BCAS3: variants seen among roughly 807,000 people sequenced by gnomAD.
BCAS3 encodes the protein BCAS3 microtubule associated cell migration factor.
In BCAS3, 53 loss-of-function variants were observed where a neutral mutation model predicts 116.1. The observed-to-expected ratio is 0.46, with a 90% CI of 0.37 to 0.57. BCAS3 has a LOEUF of 0.57. Among genes scored for constraint, BCAS3 ranks in the 20% least tolerant of loss-of-function variants. The pLI is 0.00. For synonymous variants in BCAS3, 391 were observed against 408.2 expected (o/e 0.96, Z 0.51); for missense variants, 917 against 1,165.4 (o/e 0.79, Z 3.10).
At chr17:60,851,472 G>A (rs2053153746) in intron 7 of BCAS3, 1 of 524,644 alleles carries the variant, frequency 1.9e-6, no homozygotes, top group Non-Finnish European at 3.8e-6. Flanking sequence ...ACTTGCTCCT[G>A]CAAAAATGGA....
rs545805419 is a variant in BCAS3, at chr17:61,298,883, C to T, written c.2426-69444C>T. 2.6e-3 allele frequency among the ~76,000 whole-genome samples: 387 copies of T among 151,706 alleles called. 1 individual carries two copies. In the Middle Eastern group the frequency reaches 0.027, roughly 11 times the overall value. Reference sequence around the variant, plus strand: ...TGTCGCCTAGGCTGGAGTGCAGTGGCGCAATCTTGGCTCACTGCAATCTCT... The same window carrying T: ...TGTCGCCTAGGCTGGAGTGCAGTGGTGCAATCTTGGCTCACTGCAATCTCT... On this transcript the variant is annotated intron_variant, in intron 22 of 23. Transcript: ENST00000407086.
rs185205970 is a variant in BCAS3, at chr17:61,168,207, T to C, written c.2425+83643T>C. On this transcript the variant is annotated intron_variant, in intron 22 of 23. Transcript: ENST00000407086. ...TTGATTTCTCTAACTCTAGACTTTT[T>C]TTCTACCCTTCCACAATTTCCCCTC... 1.3e-3 allele frequency among the ~76,000 whole-genome samples: 198 copies of C among 152,252 alleles called. 1 individual carries two copies. Among genetic ancestry groups the C allele is most frequent in the Non-Finnish European group, 1.9e-3 (126 of 68,012 alleles).
chr17:60,954,273 G>A (rs2061003271), intron 14 of BCAS3, among the ~76,000 whole-genome samples: 1 of 152,166 alleles, frequency 6.6e-6, no homozygotes, highest in African/African-American at 2.4e-5. Context: ...CAGTCCTGTA[G>A]TATAGTTTGA....
At chr17:61,042,891 CAAAAAAAA>C (rs35629825) in intron 19 of BCAS3, among the ~76,000 whole-genome samples, 3 of 58,318 alleles carry the variant, frequency 5.1e-5, no homozygotes, top group African/African-American at 1.1e-4. Context: ...CTCCATCTCA[CAAAAAAAA>C]AAAAAAAAAA....
At position 61,205,458 on chromosome 17, in the gene BCAS3, A is replaced by G. The variant is rs1053651056; in HGVS notation, c.2425+120894A>G. The stretch of plus-strand genomic sequence containing the variant: ...AGAAAGATAGCTGTTGAGAGAGCTA[A>G]TATCAAGGAAATGGCAAACAAACAC... On this transcript the variant is annotated intron_variant, in intron 22 of 23. Transcript: ENST00000407086. The surrounding 1 kb of genome is among the most constrained non-coding windows in gnomAD (Gnocchi z 5.2). 3.9e-5 allele frequency among the ~76,000 whole-genome samples: 6 copies of G among 152,224 alleles called. No individual in the cohort carries two copies. Among genetic ancestry groups the G allele is most frequent in the African/African-American group, 1.4e-4 (6 of 41,456 alleles).
At chr17:61,334,664 CAAAAA>C (rs35400660) in intron 22 of BCAS3, among the ~76,000 whole-genome samples, 5 of 50,890 alleles carry the variant, frequency 9.8e-5, no homozygotes, top group African/African-American at 2.7e-4. Flanking sequence ...AACTCCATCT[CAAAAA>C]AAAAAAAAAA....
chr17:61,363,290 G>A lies in BCAS3; in HGVS notation c.2426-5037G>A, dbSNP rs1166698160. Among the ~76,000 whole-genome samples, 7 of 152,196 alleles carry A rather than the reference G, an allele frequency of 4.6e-5. No homozygotes were observed. The South Asian group carries it at 1.0e-3, about 22-fold the overall frequency. On this transcript the variant is annotated intron_variant, in intron 22 of 23. Transcript: ENST00000407086. This position sits in a 1 kb window ranked among gnomAD's most constrained non-coding sequence, Gnocchi z 4.9. ...CATCAACTTCACCTGGAAAGATAGA[G>A]CACCTTTTATGCCGTTAGAGTTTGA... is the stretch of plus-strand genomic sequence containing the variant.
intron 5 of BCAS3, among the ~76,000 whole-genome samples, chr17:60,719,168 G>T (rs1448834347): frequency 6.6e-6 from 1 of 152,212 alleles, no homozygotes; most frequent in East Asian, 1.9e-4. Flanking sequence ...TATGTGAAGA[G>T]CAGATTTGGG....
At position 61,380,354 on chromosome 17, in the gene BCAS3, C is replaced by A; in HGVS notation, c.2594-11623C>A. On this transcript the variant is annotated intron_variant, in intron 23 of 23. Coordinates refer to ENST00000407086, the MANE Select transcript of BCAS3 (RefSeq NM_017679.5). This position sits in a 1 kb window ranked among gnomAD's most constrained non-coding sequence, Gnocchi z 4.2. ...AGAAATCTGTAAAACCCTAGATGTG[C>A]TGTGCCTGGGAACAGACCATGAACA... 1.5e-6 allele frequency: 1 copy of A among 669,606 alleles called. No homozygotes were observed. Among genetic ancestry groups the A allele is most frequent in the Non-Finnish European group, 2.6e-6 (1 of 378,776 alleles). The allele number at this position is 669,606 out of a possible 1,614,324, so 41.5% of individuals were successfully genotyped here.
chr17:60,850,587 G>A lies in BCAS3; in HGVS notation c.477-17989G>A, dbSNP rs189009523. ...TTGGTCAGGCTGGTCTCGAACTCCTGACCTCAGGTAATCTGCCTGCCTCGG... is the reference window on the plus strand; with the variant it reads ...TTGGTCAGGCTGGTCTCGAACTCCTAACCTCAGGTAATCTGCCTGCCTCGG... On this transcript the variant is annotated intron_variant, in intron 7 of 23. Transcript: ENST00000407086. 4.8e-4 allele frequency among the ~76,000 whole-genome samples: 73 copies of A among 152,068 alleles called. No individual in the cohort carries two copies. In the East Asian group the frequency reaches 0.014, roughly 28 times the overall value.
chr17:61,375,194 C>G (rs2059270208), intron 23 of BCAS3, among the ~76,000 whole-genome samples: 1 of 149,240 alleles, frequency 6.7e-6, no homozygotes. Flanking sequence ...CTATGTTTTG[C>G]AAAAGATGAC....
chr17:61,050,018 C>G (rs928246840), intron 19 of BCAS3, among the ~76,000 whole-genome samples: 2 of 151,972 alleles, frequency 1.3e-5, no homozygotes, highest in African/African-American at 4.8e-5. Context: ...CAGGCGTGAG[C>G]CACTGCGCCC....
At chr17:60,984,466 A>G (rs2062998519) in intron 14 of BCAS3, among the ~76,000 whole-genome samples, 1 of 152,176 alleles carries the variant, frequency 6.6e-6, no homozygotes, top group Admixed American at 6.5e-5. Context: ...ATAGATATGT[A>G]TATATACAGC....
rs1014694417 is a variant in BCAS3, at chr17:61,049,552, G to A, written c.2029+8660G>A. 1.3e-4 allele frequency among the ~76,000 whole-genome samples: 19 copies of A among 151,460 alleles called. 1 individual carries two copies. Among genetic ancestry groups the A allele is most frequent in the Non-Finnish European group, 2.7e-4 (18 of 67,810 alleles). On this transcript the variant is annotated intron_variant, in intron 19 of 23. Coordinates refer to ENST00000407086, the MANE Select transcript of BCAS3 (RefSeq NM_017679.5). ...ACTATAAAACTGCAGATAGAAAAAGGTCAGTAAATCCCAAGTACAGGACAC... is the reference window on the plus strand; with the variant it reads ...ACTATAAAACTGCAGATAGAAAAAGATCAGTAAATCCCAAGTACAGGACAC...
rs150185278 is a variant in BCAS3, at chr17:60,811,026, C to T, written c.476+2950C>T. On this transcript the variant is annotated intron_variant, in intron 7 of 23. Transcript: ENST00000407086. ...CCACAGTGGTCACCATGCAGTCTGCCGAGGTTGGAGCTGCTGCGTTGATTC... is the reference window on the plus strand; with the variant it reads ...CCACAGTGGTCACCATGCAGTCTGCTGAGGTTGGAGCTGCTGCGTTGATTC... 2.6e-3 allele frequency: 1,693 copies of T among 655,598 alleles called. 23 individuals carry two copies. The highest frequency in any genetic ancestry group is 0.024 in the African/African-American group (1,345 of 56,340). The allele number at this position is 655,598 out of a possible 1,614,324, so 40.6% of individuals were successfully genotyped here.
intron 6 of BCAS3, among the ~76,000 whole-genome samples, chr17:60,805,505 A>T (rs2048186709): frequency 6.6e-6 from 1 of 152,190 alleles, no homozygotes; most frequent in African/African-American, 2.4e-5. Context: ...TTACATGTGC[A>T]TGTGTGTCCG....
chr17:61,304,904 C>T (rs1439862691), intron 22 of BCAS3, among the ~76,000 whole-genome samples: 1 of 152,100 alleles, frequency 6.6e-6, no homozygotes, highest in East Asian at 1.9e-4. Context: ...CAGGCGTGCA[C>T]CACCACGCCC....
chr17:61,018,294 T>G (rs946947389), intron 16 of BCAS3, among the ~76,000 whole-genome samples: 3 of 107,768 alleles, frequency 2.8e-5, no homozygotes, highest in African/African-American at 8.5e-5. Context: ...TCCCCAGTTT[T>G]TTTTTTTTTT....
chr17:61,287,343 G>A lies in BCAS3; in HGVS notation c.2426-80984G>A, dbSNP rs944112945. Among the ~76,000 whole-genome samples the A allele has an allele frequency of 3.3e-5, 5 of 152,056 alleles. No homozygotes were observed. In the South Asian group the frequency reaches 6.2e-4, roughly 19 times the overall value. On this transcript the variant is annotated intron_variant, in intron 22 of 23. Transcript: ENST00000407086. Reference sequence around the variant, plus strand: ...CTGCAGCAGAGAGGAGGAAGCCTGCGGTAGGGGCTGTCTTGGGGAAAATTG... The same window carrying A: ...CTGCAGCAGAGAGGAGGAAGCCTGCAGTAGGGGCTGTCTTGGGGAAAATTG...
Sources: gnomAD v4.1 joint callset for allele counts (sites outside exome capture counted in the v4.1 genomes callset) on GRCh38, gnomAD v4.1.1 for gene constraint, Gnocchi (gnomAD v3.1) non-coding constraint, MANE v1.5 for transcripts, NCBI Gene and HGNC (gene_info 2026-07-23, HGNC 2026-07-21) for gene names.